Variants in C5orf58 observed in about 807,000 individuals in gnomAD.
The protein encoded by C5orf58 is putative uncharacterized protein C5orf58.
A neutral mutation model predicts 2.9 loss-of-function variants in C5orf58; 2 were observed. The observed-to-expected ratio is 0.69, with a 90% CI of 0.28 to 2.18. C5orf58 has a LOEUF of 2.18. Among genes scored for constraint, C5orf58 ranks in the 30% most tolerant of loss-of-function variants. The pLI is 0.13. For missense variants in C5orf58, 96 were observed against 91.7 expected (o/e 1.05, Z -0.19); for synonymous variants, 37 against 33.4 (o/e 1.11, Z -0.37).
chr5:170,243,715 G>C (rs1280897328), intron 3 of C5orf58, among the ~76,000 whole-genome samples: 2 of 150,418 alleles, frequency 1.3e-5, no homozygotes, highest in Admixed American at 6.6e-5. Flanking sequence ...ACACTGATGG[G>C]TCTTGACTCT....
chr5:170,250,679 G>C, downstream of C5orf58: 1 of 1,447,496 alleles, frequency 6.9e-7, no homozygotes, highest in Non-Finnish European at 9.7e-7. Context: ...AAGGCATGCA[G>C]AGTGGCATAA....
downstream of C5orf58, chr5:170,246,517 C>T (rs969895914): frequency 1.3e-5 from 2 of 159,018 alleles, no homozygotes; most frequent in African/African-American, 4.8e-5. Flanking sequence ...TTTCAGGGAT[C>T]CCACTAATTT....
At chr5:170,250,619 T>G (rs544815620), downstream of C5orf58, 2 of 827,700 alleles carry the variant, frequency 2.4e-6, no homozygotes, top group Non-Finnish European at 4.1e-6. Flanking sequence ...ACTCATGTGA[T>G]TTAATCCTAA....
downstream of C5orf58, chr5:170,246,241 C>T (rs909688411): frequency 6.5e-6 from 5 of 764,158 alleles, no homozygotes; most frequent in South Asian, 1.2e-4. Context: ...AGTTCATGTT[C>T]TTGAAGGCTG....
In C5orf58 at chr5:170,233,015, G is replaced by C. The variant is rs1561952951; in HGVS notation, c.-85+8G>C. ...TCGGTGACGGTTGGCCAGGTGGGTA[G>C]TGACGGCTGCTCGGTCTTGAAGGAT... On this transcript the variant is annotated splice_region_variant and intron_variant, in intron 1 of 3. Coordinates refer to ENST00000593851, the MANE Select transcript of C5orf58 (RefSeq NM_001102609.3). 2.0e-6 allele frequency: 2 copies of C among 979,118 alleles called. No homozygotes were observed. The highest frequency in any genetic ancestry group is 6.2e-5 in the Admixed American group (1 of 16,260). 60.7% of individuals were successfully genotyped at this position (979,118 alleles called of 1,614,324 possible). A position where few individuals can be genotyped will look rare whatever the true frequency, so the allele number is the denominator to read the frequency against.
At chr5:170,249,362 G>GTATATATATATA (rs72371153), downstream of C5orf58, among the ~76,000 whole-genome samples, 1,433 of 108,068 alleles carry the variant, frequency 0.013, 24 homozygotes, top group African/African-American at 0.041. Context: ...GCATGCGTGT[G>GTATATATATATA]TATATATATA....
chr5:170,242,968 G>C (rs1235412438), intron 3 of C5orf58, among the ~76,000 whole-genome samples: 2 of 136,944 alleles, frequency 1.5e-5, no homozygotes, highest in Admixed American at 7.3e-5. Flanking sequence ...AGAGATTCTG[G>C]TATGTTGTGT....
At position 170,246,158 on chromosome 5, in the gene C5orf58, A is replaced by C. The variant is rs1761282085; in HGVS notation, c.*45A>C. 1 of 1,515,300 alleles carries C rather than the reference A, an allele frequency of 6.6e-7. No individual in the cohort carries two copies. The highest frequency in any genetic ancestry group is 1.4e-5 in the African/African-American group (1 of 72,092). 93.9% of individuals were successfully genotyped at this position (1,515,300 alleles called of 1,614,324 possible). A position where few individuals can be genotyped will look rare whatever the true frequency, so the allele number is the denominator to read the frequency against. Reference sequence around the variant, plus strand: ...TTCTGTTTTATTGTTGAACTAACAAATATTTGGGAGAGTTGAGTTTACTAA... The same window carrying C: ...TTCTGTTTTATTGTTGAACTAACAACTATTTGGGAGAGTTGAGTTTACTAA... On this transcript the variant is annotated 3_prime_UTR_variant, in exon 4 of 4. Coordinates refer to ENST00000593851, the MANE Select transcript of C5orf58 (RefSeq NM_001102609.3).
chr5:170,251,343 A>G (rs527669140), intron 2 of C5orf58: 5 of 198,428 alleles, frequency 2.5e-5, no homozygotes, highest in Non-Finnish European at 4.2e-5. Context: ...CCCTTCTTAA[A>G]ACCCTGTGAT....
downstream of C5orf58, among the ~76,000 whole-genome samples, chr5:170,249,930 T>C (rs931712200): frequency 5.9e-5 from 9 of 152,250 alleles, no homozygotes; most frequent in Admixed American, 3.9e-4. Flanking sequence ...CAAATACCTC[T>C]GCTCCTATAG....
Position 170,234,271 on chromosome 5 carries a change from T to C in C5orf58, c.-1+73T>C, listed in dbSNP as rs1376953142. 4 of 892,854 alleles carry C rather than the reference T, an allele frequency of 4.5e-6. No individual in the cohort carries two copies. The African/African-American group carries it at 6.9e-5, about 15-fold the overall frequency. 55.3% of individuals were successfully genotyped at this position (892,854 alleles called of 1,614,324 possible). On this transcript the variant is annotated intron_variant, in intron 2 of 3. Transcript: ENST00000593851. ...CCCACCTTTCACACTGCTGGAGTTG[T>C]GTATGCTAATTGAGATGGAGTTTTT... is the stretch of plus-strand genomic sequence containing the variant.
At chr5:170,248,314 A>G (rs117623382), downstream of C5orf58, 192 of 165,990 alleles carry the variant, frequency 1.2e-3, 3 homozygotes, top group East Asian at 0.03. Context: ...GTAAAAAACA[A>G]ATCAGTTTTA....
At chr5:170,250,034 A>AAGT (rs1761398797), downstream of C5orf58, among the ~76,000 whole-genome samples, 1 of 152,166 alleles carries the variant, frequency 6.6e-6, no homozygotes, top group Non-Finnish European at 1.5e-5. Context: ...ATCATAACAG[A>AAGT]AGTATGTGAA....
At chr5:170,250,961 G>C (rs1376789463), downstream of C5orf58, 2 of 1,176,728 alleles carry the variant, frequency 1.7e-6, no homozygotes, top group African/African-American at 3.1e-5. Context: ...TAGTAGACAA[G>C]CCTCTAGGGA....
At chr5:170,241,414 A>G (rs1259167477) in intron 3 of C5orf58, among the ~76,000 whole-genome samples, 17 of 151,408 alleles carry the variant, frequency 1.1e-4, no homozygotes, top group South Asian at 2.1e-4. Context: ...CATGAGCATG[A>G]AATGTTCTTC....
downstream of C5orf58, among the ~76,000 whole-genome samples, chr5:170,249,822 A>C (rs951949939): frequency 8.5e-5 from 13 of 152,204 alleles, no homozygotes; most frequent in Admixed American, 5.2e-4. Flanking sequence ...ACTTCCTTTA[A>C]GACTAATCTG....
rs372726243 is a variant in C5orf58, at chr5:170,246,137, G to A, written c.*24G>A. ...GATTTCTTATTTGTTATGAGTTTCTGTTTTATTGTTGAACTAACAAATATT... is the reference window on the plus strand; with the variant it reads ...GATTTCTTATTTGTTATGAGTTTCTATTTTATTGTTGAACTAACAAATATT... On this transcript the variant is annotated 3_prime_UTR_variant, in exon 4 of 4. Coordinates refer to ENST00000593851, the MANE Select transcript of C5orf58 (RefSeq NM_001102609.3). 3 of 1,581,840 alleles carry A rather than the reference G, an allele frequency of 1.9e-6. No homozygotes were observed. Among genetic ancestry groups the A allele is most frequent in the Non-Finnish European group, 2.6e-6 (3 of 1,160,246 alleles).
chr5:170,233,068 C>G, intron 1 of C5orf58, 61 bp downstream of exon 1: 7 of 782,974 alleles, frequency 8.9e-6, no homozygotes, highest in Non-Finnish European at 1.1e-5. Context: ...GGGTGAAGAC[C>G]GCTGAAATTT....
At chr5:170,250,586 T>C (rs1400913583), downstream of C5orf58, 3 of 655,852 alleles carry the variant, frequency 4.6e-6, no homozygotes, top group African/African-American at 5.5e-5. Context: ...GCTTTATTTC[T>C]CTTCCAATAA....
Sources: allele counts gnomAD v4.1 joint callset (sites outside exome capture counted in the v4.1 genomes callset), GRCh38; gene constraint gnomAD v4.1.1; transcripts MANE v1.5; gene names NCBI Gene and HGNC (gene_info 2026-07-23, HGNC 2026-07-21).